PTPRD: variants seen among roughly 807,000 people sequenced by gnomAD.
PTPRD encodes the protein protein tyrosine phosphatase receptor type D, also known as receptor-type tyrosine-protein phosphatase delta.
In PTPRD, 34 loss-of-function variants were observed where a neutral mutation model predicts 214.5. The observed-to-expected ratio is 0.16, with a 90% CI of 0.12 to 0.21. The LOEUF is 0.21. Ranked by LOEUF, PTPRD falls within the 10% of genes least tolerant of loss-of-function variation. PTPRD has a pLI of 1.00. For missense variants in PTPRD, 2,545 were observed against 2,398.7 expected, an observed-to-expected ratio of 1.06 and a Z score of -1.27; for synonymous variants, 1,128 against 845.7, an observed-to-expected ratio of 1.33 and a Z score of -5.79.
At chr9:10,003,112 A>C (rs1177278689) in intron 4 of PTPRD, among the ~76,000 whole-genome samples, 1 of 151,872 alleles carries the variant, frequency 6.6e-6, no homozygotes, top group Non-Finnish European at 1.5e-5. Flanking sequence ...TCTTAAAGGA[A>C]AGATAGTCTT....
intron 7 of PTPRD, among the ~76,000 whole-genome samples, chr9:9,706,133 T>A (rs1286497688): frequency 6.6e-6 from 1 of 152,140 alleles, no homozygotes; most frequent in Non-Finnish European, 1.5e-5. Flanking sequence ...TAATAGTACT[T>A]CTCTTAAAAC....
chr9:10,524,021 G>A (rs1021338007), intron 2 of PTPRD, among the ~76,000 whole-genome samples: 1 of 152,028 alleles, frequency 6.6e-6, no homozygotes, highest in Non-Finnish European at 1.5e-5. Flanking sequence ...TTTAAGCTAA[G>A]GGTGGTTCTC....
chr9:8,892,227 A>G (rs2098545679), intron 11 of PTPRD, among the ~76,000 whole-genome samples: 3 of 152,266 alleles, frequency 2.0e-5, no homozygotes, highest in Middle Eastern at 6.8e-3. Context: ...AGACCAGTGT[A>G]GAACTCCTTG....
At chr9:9,756,441 T>C (rs2098579601) in intron 6 of PTPRD, among the ~76,000 whole-genome samples, 1 of 152,170 alleles carries the variant, frequency 6.6e-6, no homozygotes, top group Non-Finnish European at 1.5e-5. Flanking sequence ...GGTTACTTTA[T>C]TGAATTCTTA....
intron 9 of PTPRD, among the ~76,000 whole-genome samples, chr9:9,257,905 C>G (rs915454894): frequency 2.0e-5 from 3 of 151,946 alleles, no homozygotes; most frequent in Non-Finnish European, 4.4e-5. Flanking sequence ...AATATAGTGA[C>G]TCCTGTATTG....
chr9:10,581,151 G>T lies in PTPRD; in HGVS notation c.-600+31247C>A, dbSNP rs2071613215. On this transcript the variant is annotated intron_variant, in intron 2 of 45. Coordinates refer to ENST00000381196, the MANE Select transcript of PTPRD (RefSeq NM_002839.4). ...ATGGACAATATCCTTATCCCACAGA[G>T]CTATTATGAGAATTAATAGTTACTA... 3.9e-5 allele frequency among the ~76,000 whole-genome samples: 6 copies of T among 152,052 alleles called. 1 individual carries two copies. The highest frequency in any genetic ancestry group is 3.9e-4 in the Admixed American group (6 of 15,260).
intron 3 of PTPRD, among the ~76,000 whole-genome samples, chr9:10,088,022 G>A (rs1308615545): frequency 6.6e-6 from 1 of 151,694 alleles, no homozygotes; most frequent in Non-Finnish European, 1.5e-5. Context: ...TACTTAGCAT[G>A]AATTACTTTA....
chr9:10,427,747 G>C (rs999135779), intron 2 of PTPRD, among the ~76,000 whole-genome samples: 1 of 151,938 alleles, frequency 6.6e-6, no homozygotes, highest in Non-Finnish European at 1.5e-5. Context: ...AAACAAAACA[G>C]AAAAATCAAC....
chr9:9,529,272 CAA>C (rs763492022), intron 8 of PTPRD, among the ~76,000 whole-genome samples: 5 of 96,248 alleles, frequency 5.2e-5, no homozygotes, highest in Admixed American at 2.1e-4. Context: ...AAACTCCAAA[CAA>C]AAAAAAAAAA....
chr9:10,070,071 T>A (rs926884821), intron 3 of PTPRD, among the ~76,000 whole-genome samples: 1 of 151,994 alleles, frequency 6.6e-6, no homozygotes, highest in Non-Finnish European at 1.5e-5. Flanking sequence ...CAAAGATTAA[T>A]AACAACAAAA....
intron 5 of PTPRD, among the ~76,000 whole-genome samples, chr9:9,802,395 A>T (rs1156259920): frequency 6.6e-6 from 1 of 151,896 alleles, no homozygotes; most frequent in East Asian, 1.9e-4. Context: ...GCCTCCTTAG[A>T]ATTTGAAGTT....
chr9:9,505,174 A>G (rs2096540968), intron 8 of PTPRD, among the ~76,000 whole-genome samples: 1 of 151,564 alleles, frequency 6.6e-6, no homozygotes, highest in Admixed American at 6.6e-5. Context: ...TGCATGTTTA[A>G]TCCTCTCTTG....
intron 7 of PTPRD, among the ~76,000 whole-genome samples, chr9:9,655,794 A>G (rs184773449): frequency 6.6e-6 from 1 of 151,738 alleles, no homozygotes; most frequent in African/African-American, 2.4e-5. Context: ...CCTGGCCAGT[A>G]TGGTGAAACC....
chr9:9,984,902 A>G (rs2095658353), intron 4 of PTPRD, among the ~76,000 whole-genome samples: 1 of 152,152 alleles, frequency 6.6e-6, no homozygotes, highest in Non-Finnish European at 1.5e-5. Flanking sequence ...TGCACACCCA[A>G]AAACCAAAGG....
chr9:8,855,053 G>A (rs939451206), intron 11 of PTPRD, among the ~76,000 whole-genome samples: 1 of 151,740 alleles, frequency 6.6e-6, no homozygotes, highest in Non-Finnish European at 1.5e-5. Context: ...TTCAATCATT[G>A]TCTATAACTA....
chr9:9,667,741 T>C (rs1177860179), intron 7 of PTPRD, among the ~76,000 whole-genome samples: 1 of 152,084 alleles, frequency 6.6e-6, no homozygotes, highest in East Asian at 1.9e-4. Context: ...CTCTGAATCA[T>C]TTGTGGTGCT....
At chr9:9,469,328 G>A (rs1232643829) in intron 8 of PTPRD, among the ~76,000 whole-genome samples, 2 of 152,074 alleles carry the variant, frequency 1.3e-5, no homozygotes, top group Admixed American at 1.3e-4. Flanking sequence ...GAAATAATCT[G>A]AAACTGTTGT....
intron 2 of PTPRD, among the ~76,000 whole-genome samples, chr9:10,606,840 G>A (rs938106605): frequency 6.6e-6 from 1 of 151,786 alleles, no homozygotes; most frequent in African/African-American, 2.4e-5. Flanking sequence ...CTATAACTTT[G>A]GACAGTTTGT....
intron 11 of PTPRD, among the ~76,000 whole-genome samples, chr9:8,960,878 G>T (rs532923422): frequency 6.6e-6 from 1 of 152,174 alleles, no homozygotes; most frequent in South Asian, 2.1e-4. Context: ...AAAGCACTTA[G>T]AAAATTCCAA....
Sources: gnomAD v4.1 joint callset for allele counts (sites outside exome capture counted in the v4.1 genomes callset) on GRCh38, gnomAD v4.1.1 for gene constraint, MANE v1.5 for transcripts, NCBI Gene and HGNC (gene_info 2026-07-23, HGNC 2026-07-21) for gene names.